EPHA5: variants seen among roughly 807,000 people sequenced by gnomAD.
EPHA5 encodes the protein EPH receptor A5.
A neutral mutation model predicts 105.0 loss-of-function variants in EPHA5; 60 were observed. The ratio of observed to expected loss-of-function variants is 0.57; its 90% CI spans 0.46 to 0.71. The LOEUF is 0.71. Ranked by LOEUF, EPHA5 falls within the 30% of genes least tolerant of loss-of-function variation. The pLI, the probability that EPHA5 is intolerant of heterozygous loss-of-function variation, is 0.00. For synonymous variants in EPHA5, 513 were observed against 449.1 expected (o/e 1.14, Z -1.80); for missense variants, 1,218 against 1,274.7 (o/e 0.96, Z 0.68).
intron 5 of EPHA5, among the ~76,000 whole-genome samples, chr4:65,474,562 G>A (rs888433780): frequency 1.3e-5 from 2 of 152,036 alleles, no homozygotes; most frequent in South Asian, 2.1e-4. Flanking sequence ...AGGAAAATTC[G>A]AAAATGTAAG....
rs151232676 is a variant in EPHA5 at position 65,588,466 on chromosome 4, A to G, written c.910+13175T>C. 2.5e-4 allele frequency among the ~76,000 whole-genome samples: 38 copies of G among 152,228 alleles called. No individual in the cohort carries two copies. In the East Asian group the frequency reaches 5.4e-3, roughly 22 times the overall value. ...ATGAAAATAACTATGATCTCCTGAG[A>G]TCTGCTCAGGGGAACAGTCTGGCTG... On this transcript the variant is annotated intron_variant, in intron 3 of 16. Coordinates refer to ENST00000613740, the MANE Select transcript of EPHA5 (RefSeq NM_001281766.3).
At chr4:65,465,530 AAGAAAGGAAAG>A (rs1165069815) in intron 5 of EPHA5, among the ~76,000 whole-genome samples, 2,467 of 87,160 alleles carry the variant, frequency 0.028, 40 homozygotes, top group African/African-American at 0.034. Flanking sequence ...AAAGAAAGAA[AAGAAAGGAAAG>A]GAAGGAAAGG....
At chr4:65,437,086 C>A (rs1725548736) in intron 5 of EPHA5, among the ~76,000 whole-genome samples, 1 of 148,878 alleles carries the variant, frequency 6.7e-6, no homozygotes, top group Non-Finnish European at 1.5e-5. Context: ...AATGTAAAAA[C>A]AAACAATAAT....
chr4:65,529,456 G>A (rs1413337546), intron 3 of EPHA5, among the ~76,000 whole-genome samples: 1 of 151,626 alleles, frequency 6.6e-6, no homozygotes, highest in Non-Finnish European at 1.5e-5. Flanking sequence ...CATATTATAT[G>A]CACACACACA....
At position 65,503,968 on chromosome 4, in the gene EPHA5, CA is replaced by C. The variant is rs1414829707; in HGVS notation, c.911-8426del. Among the ~76,000 whole-genome samples, 3 of 149,096 alleles carry C rather than the reference CA, an allele frequency of 2.0e-5. No homozygotes were observed. In the Admixed American group the frequency reaches 2.0e-4, roughly 10 times the overall value. ...ACATATATTTAACCAAATTGTGGAC[CA>C]TCAGTAACAGGTATATGTATATGTT... On this transcript the variant is annotated intron_variant, in intron 3 of 16. Transcript: ENST00000613740.
intron 5 of EPHA5, among the ~76,000 whole-genome samples, chr4:65,475,200 G>A (rs1203726416): frequency 6.6e-6 from 1 of 152,030 alleles, no homozygotes; most frequent in Non-Finnish European, 1.5e-5. Context: ...TAATTCTTCA[G>A]AGGGGGAATA....
At chr4:65,418,811 T>C (rs1723639774) in intron 6 of EPHA5, among the ~76,000 whole-genome samples, 1 of 151,096 alleles carries the variant, frequency 6.6e-6, no homozygotes, top group African/African-American at 2.4e-5. Context: ...AAATTTATTT[T>C]TGAATTTTGT....
At chr4:65,334,763 T>C (rs1721009147) in intron 15 of EPHA5, among the ~76,000 whole-genome samples, 1 of 151,966 alleles carries the variant, frequency 6.6e-6, no homozygotes, top group South Asian at 2.1e-4. Context: ...GCTCTCAAGC[T>C]GTAATAATGA....
At chr4:65,455,448 T>C (rs1727490056) in intron 5 of EPHA5, among the ~76,000 whole-genome samples, 1 of 152,106 alleles carries the variant, frequency 6.6e-6, no homozygotes, top group Non-Finnish European at 1.5e-5. Flanking sequence ...ATACTTATCA[T>C]AAATATTGAT....
chr4:65,589,039 C>T (rs188882313), intron 3 of EPHA5, among the ~76,000 whole-genome samples: 4 of 152,220 alleles, frequency 2.6e-5, no homozygotes, highest in Non-Finnish European at 4.4e-5. Context: ...CTTTATGAGC[C>T]TCCAATATTT....
chr4:65,367,540 A>G lies in EPHA5; in HGVS notation c.1794-116T>C, dbSNP rs539959769. 5 of 895,330 alleles carry G rather than the reference A, an allele frequency of 5.6e-6. No homozygotes were observed. In the Admixed American group the frequency reaches 5.9e-5, roughly 11 times the overall value. The allele number at this position is 895,330 out of a possible 1,614,324, so 55.5% of individuals were successfully genotyped here. On this transcript the variant is annotated intron_variant, in intron 8 of 16. Transcript: ENST00000613740. Reference sequence around the variant, plus strand: ...GCAACCCTAAACTGATTTTCATACTAGTAGTTTGGAATGATGCCAATACTA... The same window carrying G: ...GCAACCCTAAACTGATTTTCATACTGGTAGTTTGGAATGATGCCAATACTA...
At position 65,670,247 on chromosome 4, in the gene EPHA5, GA is replaced by G; in HGVS notation, c.-506del. ...GAGGACTTGAGAAAATGTGGAGAAT[GA>G]AAAACAGGAGAGCAGCGAGCAAAAG... On this transcript the variant is annotated 5_prime_UTR_variant, in exon 1 of 17. Transcript: ENST00000613740. 1 of 234,344 alleles carries G rather than the reference GA, an allele frequency of 4.3e-6. No homozygotes were observed. The highest frequency in any genetic ancestry group is 8.4e-6 in the Non-Finnish European group (1 of 118,848). 14.5% of individuals were successfully genotyped at this position (234,344 alleles called of 1,614,324 possible).
chr4:65,418,275 C>A (rs1336207655), intron 6 of EPHA5, among the ~76,000 whole-genome samples: 1 of 152,036 alleles, frequency 6.6e-6, no homozygotes. Context: ...GTTACAAAAA[C>A]TTGAATAAGA....
intron 5 of EPHA5, among the ~76,000 whole-genome samples, chr4:65,450,377 C>G (rs1726952671): frequency 6.6e-6 from 1 of 152,054 alleles, no homozygotes; most frequent in South Asian, 2.1e-4. Context: ...ATTAAAAATA[C>G]TATAGTTAAA....
chr4:65,612,740 G>C (rs1470307328), intron 2 of EPHA5, among the ~76,000 whole-genome samples: 1 of 151,960 alleles, frequency 6.6e-6, no homozygotes, highest in Non-Finnish European at 1.5e-5. Context: ...TTTCGGGGTT[G>C]TTATTGTTTC....
Position 65,343,653 on chromosome 4 carries a change from T to A in EPHA5, c.2595+4401A>T, listed in dbSNP as rs983113118. ...TTGTCATGTTTCTTGGATACAAAAT[T>A]TGGACAGAAATTAAGGCATAGGAAA... On this transcript the variant is annotated intron_variant, in intron 14 of 16. Transcript: ENST00000613740. Among the ~76,000 whole-genome samples the A allele has an allele frequency of 7.9e-5, 12 of 152,154 alleles. 1 individual carries two copies. The highest frequency in any genetic ancestry group is 6.5e-4 in the Admixed American group (10 of 15,272).
At chr4:65,328,833 T>C (rs1720329227) in intron 16 of EPHA5, among the ~76,000 whole-genome samples, 1 of 151,226 alleles carries the variant, frequency 6.6e-6, no homozygotes, top group South Asian at 2.1e-4. Context: ...TTTAAGGGTA[T>C]AATAAATCAT....
rs533150707 is a variant in EPHA5 at position 65,410,863 on chromosome 4, T to A, written c.1687+3421A>T. On this transcript the variant is annotated intron_variant, in intron 7 of 16. Transcript: ENST00000613740. Reference sequence around the variant, plus strand: ...TAGATAAAAGGAAGTGATGCATTTTTAAAAATTAAAAGAATCACAAATGTG... The same window carrying A: ...TAGATAAAAGGAAGTGATGCATTTTAAAAAATTAAAAGAATCACAAATGTG... Among the ~76,000 whole-genome samples, 16 of 152,274 alleles carry A rather than the reference T, an allele frequency of 1.1e-4. 2 individuals are homozygous for A. In the South Asian group the frequency reaches 3.1e-3, roughly 30 times the overall value.
At chr4:65,606,324 C>G (rs537459792) in intron 2 of EPHA5, among the ~76,000 whole-genome samples, 19 of 152,210 alleles carry the variant, frequency 1.2e-4, no homozygotes, top group African/African-American at 4.1e-4. Context: ...GAATTAATAT[C>G]AAACATATAC....
Sources: allele counts gnomAD v4.1 joint callset (sites outside exome capture counted in the v4.1 genomes callset), GRCh38; gene constraint gnomAD v4.1.1; transcripts MANE v1.5; gene names NCBI Gene and HGNC (gene_info 2026-07-23, HGNC 2026-07-21).